The following ANK1 variants were observed in gnomAD, a reference collection of about 807,000 sequenced individuals.
ANK1 encodes ankyrin-1.
ANK1 carries 51 observed loss-of-function variants against 210.4 expected under a neutral mutation model. That is an observed-to-expected ratio of 0.24 (90% confidence interval 0.19 to 0.31). The LOEUF (loss-of-function observed/expected upper bound fraction) is 0.31. Among genes scored for constraint, ANK1 ranks in the 10% least tolerant of loss-of-function variants. The pLI, the probability that ANK1 is intolerant of heterozygous loss-of-function variation, is 1.00. For missense variants in ANK1, 2,051 were observed against 2,504.4 expected, an observed-to-expected ratio of 0.82 and a Z score of 3.86; for synonymous variants, 967 against 1,025.9, an observed-to-expected ratio of 0.94 and a Z score of 1.10.
intron 1 of ANK1, chr8:41,829,001 ACCGCCGC>A (rs1247875976): frequency 2.6e-5 from 4 of 152,220 alleles, no homozygotes; most frequent in African/African-American, 9.6e-5. Context: ...TCTTGATTCC[ACCGCCGC>A]AGTTGAAAGA....
rs1804770335 is a variant in ANK1 at position 41,653,656 on chromosome 8, C to T, written c.*2134G>A. The T allele has an allele frequency of 6.6e-6, 1 of 152,412 alleles. No individual in the cohort carries two copies. Among genetic ancestry groups the T allele is most frequent in the African/African-American group, 2.4e-5 (1 of 41,468 alleles). 9.4% of individuals were successfully genotyped at this position (152,412 alleles called of 1,614,324 possible). On this transcript the variant is annotated 3_prime_UTR_variant, in exon 43 of 43. Transcript: ENST00000289734. ...AGCCCTGAGCCCAGCTTCCTTGGGC[C>T]GTCACCGAATCGGTCCCAGCCGCGC...
Position 41,688,520 on chromosome 8 carries a change from A to G in ANK1, c.4174T>C (p.Ser1392Pro). Residue 1392 changes from serine to proline, a missense_variant, in exon 34 of 43, where the codon TCC becomes CCC. Ser to Pro is a moderately conservative substitution (Grantham distance 74, BLOSUM62 -1). Transcript: ENST00000289734. ...CACACAGAGGCCGTACCTGGTGTGG[A>G]CTCACTGAGAATGCTGTATCGCAGG... ...LALRYSILSE[S>P]TPGSLSGTEQ... 3 of 1,614,030 alleles carry G rather than the reference A, an allele frequency of 1.9e-6. No individual in the cohort carries two copies. The highest frequency in any genetic ancestry group is 2.5e-6 in the Non-Finnish European group (3 of 1,179,946).
chr8:41,750,783 T>G (rs535491605), intron 2 of ANK1, among the ~76,000 whole-genome samples: 2 of 152,176 alleles, frequency 1.3e-5, no homozygotes, highest in Non-Finnish European at 1.5e-5. Context: ...GGACCAACAG[T>G]GCCTGGGCTG....
chr8:41,725,352 GCACGCAGGCGTGCAAGGTCCCGGACCCC>G (rs1830407660), intron 6 of ANK1, among the ~76,000 whole-genome samples: 1 of 152,234 alleles, frequency 6.6e-6, no homozygotes, highest in Non-Finnish European at 1.5e-5. Flanking sequence ...GTGCCCAGGT[GCACGCAGGCGTGCAAGGTCCCGGACCCC>G]CTTTCTCCAC....
intron 12 of ANK1, among the ~76,000 whole-genome samples, 191 bp downstream of exon 12, chr8:41,717,413 G>C (rs957580240): frequency 2.0e-5 from 3 of 152,248 alleles, no homozygotes; most frequent in African/African-American, 7.2e-5. Context: ...AAGCCTCCAA[G>C]GTTTACGGAT....
intron 1 of ANK1, among the ~76,000 whole-genome samples, chr8:41,772,825 C>T (rs1474713386): frequency 6.6e-6 from 1 of 152,170 alleles, no homozygotes; most frequent in Non-Finnish European, 1.5e-5. Flanking sequence ...GGAGCCGCCC[C>T]TGCTCCTAGA....
At chr8:41,670,760 G>T (rs559853549) in intron 38 of ANK1, among the ~76,000 whole-genome samples, 1 of 152,308 alleles carries the variant, frequency 6.6e-6, no homozygotes. Flanking sequence ...GTGGGGAAAG[G>T]ACATGAGAAC....
At chr8:41,827,837 A>C (rs1303930434) in intron 1 of ANK1, among the ~76,000 whole-genome samples, 1 of 144,084 alleles carries the variant, frequency 6.9e-6, no homozygotes, top group Non-Finnish European at 1.5e-5. Context: ...GCACTCACAC[A>C]TGCACACACG....
At chr8:41,787,159 C>T (rs888305355) in intron 1 of ANK1, among the ~76,000 whole-genome samples, 1 of 151,970 alleles carries the variant, frequency 6.6e-6, no homozygotes, top group Non-Finnish European at 1.5e-5. Flanking sequence ...CTGGCCTGGC[C>T]CAGAGGGGTG....
chr8:41,882,346 T>A (rs1039038389), intron 1 of ANK1, among the ~76,000 whole-genome samples: 1 of 151,972 alleles, frequency 6.6e-6, no homozygotes, highest in Non-Finnish European at 1.5e-5. Flanking sequence ...GCAGCCACAG[T>A]AGAGGGTTCC....
At chr8:41,792,934 G>A (rs899298892) in intron 1 of ANK1, among the ~76,000 whole-genome samples, 2 of 152,242 alleles carry the variant, frequency 1.3e-5, no homozygotes, top group Admixed American at 1.3e-4. Context: ...GGCAGGCACT[G>A]TGCTAAGTGC....
intron 1 of ANK1, among the ~76,000 whole-genome samples, chr8:41,769,947 T>C (rs1842654039): frequency 6.6e-6 from 1 of 150,432 alleles, no homozygotes; most frequent in Admixed American, 6.6e-5. Context: ...TTATCTGCCA[T>C]CTATATATCT....
At chr8:41,766,867 G>T (rs1302565037) in intron 1 of ANK1, among the ~76,000 whole-genome samples, 1 of 152,212 alleles carries the variant, frequency 6.6e-6, no homozygotes, top group Non-Finnish European at 1.5e-5. Context: ...GGCGCCTCAC[G>T]TTTCTGAGTT....
chr8:41,667,597 G>A (rs537342912), intron 39 of ANK1, among the ~76,000 whole-genome samples: 2 of 152,012 alleles, frequency 1.3e-5, no homozygotes, highest in African/African-American at 2.4e-5. Flanking sequence ...GGATTGAATC[G>A]AACAAAATAA....
intron 1 of ANK1, among the ~76,000 whole-genome samples, chr8:41,843,281 A>G (rs1191343040): frequency 2.0e-5 from 3 of 152,184 alleles, no homozygotes; most frequent in Non-Finnish European, 2.9e-5. Context: ...TCCTGTGTCC[A>G]TCACCCAAGT....
chr8:41,689,901 C>T (rs1244857331), intron 33 of ANK1, among the ~76,000 whole-genome samples: 3 of 152,192 alleles, frequency 2.0e-5, no homozygotes, highest in Non-Finnish European at 4.4e-5. Flanking sequence ...GAGGCAGATG[C>T]CCTTAGGGCC....
chr8:41,657,901 A>G (rs1206336476), intron 42 of ANK1, among the ~76,000 whole-genome samples: 1 of 152,168 alleles, frequency 6.6e-6, no homozygotes, highest in African/African-American at 2.4e-5. Flanking sequence ...TTTCATTTAG[A>G]GACAGAGTCT....
chr8:41,765,377 G>A (rs1841538592), intron 1 of ANK1, among the ~76,000 whole-genome samples: 1 of 150,594 alleles, frequency 6.6e-6, no homozygotes. Flanking sequence ...CCCCCGAATA[G>A]CTGAAACTAC....
intron 23 of ANK1, 30 bp from the exon 24 acceptor site, chr8:41,698,151 G>A: frequency 6.2e-7 from 1 of 1,609,964 alleles, no homozygotes; most frequent in Non-Finnish European, 8.5e-7. Flanking sequence ...GAACATCACA[G>A]GGCTGATCCA....
Sources: allele counts gnomAD v4.1 joint callset (sites outside exome capture counted in the v4.1 genomes callset), GRCh38; gene constraint gnomAD v4.1.1; transcripts MANE v1.5; gene names NCBI Gene and HGNC (gene_info 2026-07-23, HGNC 2026-07-21).